The following TCP11 variants were observed in gnomAD, a reference collection of about 807,000 sequenced individuals.
TCP11 encodes T-complex protein 11 homolog.
A neutral mutation model predicts 45.0 loss-of-function variants in TCP11; 34 were observed. The ratio of observed to expected loss-of-function variants is 0.76; its 90% CI spans 0.57 to 1.01. TCP11 has a LOEUF of 1.01. Ranked by LOEUF, TCP11 falls within the 50% of genes least tolerant of loss-of-function variation. TCP11 has a pLI of 0.00. For synonymous variants in TCP11, 227 were observed against 227.0 expected, an observed-to-expected ratio of 1.00 and a Z score of 0.00; for missense variants, 523 against 598.1, an observed-to-expected ratio of 0.87 and a Z score of 1.31.
intron 4 of TCP11, among the ~76,000 whole-genome samples, chr6:35,127,267 CACACA>C (rs1779930852): frequency 1.3e-5 from 2 of 152,120 alleles, no homozygotes; most frequent in African/African-American, 4.8e-5. Flanking sequence ...GGATTGTGGC[CACACA>C]ATGGGGGTAA....
At chr6:35,140,929 C>A in intron 1 of TCP11, 45 bp from the exon 2 acceptor site, 1 of 1,509,484 alleles carries the variant, frequency 6.6e-7, no homozygotes, top group Non-Finnish European at 8.8e-7. Flanking sequence ...GGGAAGGGGC[C>A]TCCCCAATTG....
intron 9 of TCP11, 147 bp downstream of exon 9, chr6:35,119,081 T>C: frequency 9.7e-7 from 1 of 1,034,934 alleles, no homozygotes; most frequent in Non-Finnish European, 1.4e-6. Flanking sequence ...CTGAGACGGA[T>C]ATGATTTCAA....
intron 2 of TCP11, among the ~76,000 whole-genome samples, chr6:35,139,053 T>G (rs138437692): frequency 0.012 from 1,798 of 152,158 alleles, 44 homozygotes; most frequent in African/African-American, 0.04. Context: ...CTGGGCATGG[T>G]GGCACATGCT....
intron 4 of TCP11, among the ~76,000 whole-genome samples, chr6:35,127,764 C>T (rs1779994301): frequency 6.6e-6 from 1 of 152,178 alleles, no homozygotes; most frequent in Non-Finnish European, 1.5e-5. Flanking sequence ...CATGTCTCCT[C>T]ATTTTGGGGG....
In TCP11 at chr6:35,120,281, G is replaced by A. The variant is rs148238850; in HGVS notation, c.993C>T (p.Thr331=). 1.7e-5 allele frequency: 28 copies of A among 1,614,208 alleles called. No individual in the cohort carries two copies. The Middle Eastern group carries it at 5.0e-4, about 29-fold the overall frequency. Residue 331 remains threonine (T), a synonymous_variant, in exon 8 of 10, where the codon ACC becomes ACT. Transcript: ENST00000311875. The surrounding 1 kb of genome is among the most constrained non-coding windows in gnomAD (Gnocchi z 4.9). ...CCACCAGCAAGACTGAGGCCATGAC[G>A]GTTAACTGGTGCAACTGGGACTTCA... ...QELKSQLHQL[T]VMASVLLVAS...
intron 3 of TCP11, among the ~76,000 whole-genome samples, chr6:35,129,869 C>T (rs921137806): frequency 3.9e-5 from 6 of 152,334 alleles, no homozygotes; most frequent in Admixed American, 2.0e-4. Flanking sequence ...CAACCTCCCA[C>T]GCGCAAGCAA....
In TCP11 at chr6:35,120,680, A is replaced by T. The variant is rs775272414; in HGVS notation, c.716-34T>A. 6.3e-7 allele frequency: 1 copy of T among 1,586,582 alleles called. No individual in the cohort carries two copies. Among genetic ancestry groups the T allele is most frequent in the South Asian group, 1.1e-5 (1 of 87,402 alleles). On this transcript the variant is annotated intron_variant, in intron 6 of 9. Coordinates refer to ENST00000311875, the MANE Select transcript of TCP11 (RefSeq NM_001370687.1). This position sits in a 1 kb window ranked among gnomAD's most constrained non-coding sequence, Gnocchi z 4.9. Reference sequence around the variant, plus strand: ...GGTAAGGGAGTGTGTAAGCATCTTTAGCATCTTCATCTCTGAGGCTTCAAG... The same window carrying T: ...GGTAAGGGAGTGTGTAAGCATCTTTTGCATCTTCATCTCTGAGGCTTCAAG...
intron 1 of TCP11, 60 bp from the exon 2 acceptor site, chr6:35,140,944 G>C (rs1781695484): frequency 6.8e-7 from 1 of 1,478,938 alleles, no homozygotes. Context: ...CAATTGCCAA[G>C]GGGGTCCCTG....
At chr6:35,121,909 G>A (rs959161237) in intron 5 of TCP11, among the ~76,000 whole-genome samples, 9 of 152,078 alleles carry the variant, frequency 5.9e-5, no homozygotes, top group Admixed American at 1.3e-4. Flanking sequence ...CAGAGGGGGG[G>A]CCCAATCAAG....
chr6:35,124,848 C>T (rs893542071), intron 4 of TCP11, among the ~76,000 whole-genome samples: 2 of 151,772 alleles, frequency 1.3e-5, no homozygotes, highest in African/African-American at 4.8e-5. Flanking sequence ...TTCAGTTGTG[C>T]ACATGTACCC....
intron 5 of TCP11, among the ~76,000 whole-genome samples, chr6:35,121,398 A>T (rs1243157189): frequency 6.8e-6 from 1 of 147,866 alleles, no homozygotes; most frequent in Non-Finnish European, 1.5e-5. Context: ...CACTGGACCA[A>T]CTGCTTTTTT....
chr6:35,135,532 T>C (rs1478250081), intron 3 of TCP11, among the ~76,000 whole-genome samples: 1 of 149,748 alleles, frequency 6.7e-6, no homozygotes, highest in African/African-American at 2.5e-5. Context: ...ATGCCTGTAA[T>C]CCCAGCACTT....
chr6:35,122,412 C>T lies in TCP11; in HGVS notation c.358-75G>A, dbSNP rs1779380368. On this transcript the variant is annotated intron_variant, in intron 4 of 9. Coordinates refer to ENST00000311875, the MANE Select transcript of TCP11 (RefSeq NM_001370687.1). ...TTTATCCAATGGGCAATCCCTTTAG[C>T]TAAAGACATACCAGCCTATGTTTTT... 9.7e-6 allele frequency: 13 copies of T among 1,333,830 alleles called. No homozygotes were observed. In the South Asian group the frequency reaches 1.5e-4, roughly 15 times the overall value. 82.6% of individuals were successfully genotyped at this position (1,333,830 alleles called of 1,614,324 possible). A position where few individuals can be genotyped will look rare whatever the true frequency, so the allele number is the denominator to read the frequency against.
chr6:35,128,986 G>A, intron 4 of TCP11, 76 bp downstream of exon 4: 1 of 1,563,618 alleles, frequency 6.4e-7, no homozygotes, highest in Non-Finnish European at 8.7e-7. Context: ...GTTCAGTTAA[G>A]ATTTGCTAGC....
Position 35,129,004 on chromosome 6 carries a change from A to G in TCP11, c.357+58T>C, listed in dbSNP as rs148755555. The G allele has an allele frequency of 4.6e-5, 73 of 1,587,736 alleles. No homozygotes were observed. In the African/African-American group the frequency reaches 8.1e-4, roughly 18 times the overall value. ...CAGTTAAGATTTGCTAGCCACTGACACTCCAATGAGCTGGAGATGTCTAGA... is the reference window on the plus strand; with the variant it reads ...CAGTTAAGATTTGCTAGCCACTGACGCTCCAATGAGCTGGAGATGTCTAGA... On this transcript the variant is annotated intron_variant, in intron 4 of 9. Coordinates refer to ENST00000311875, the MANE Select transcript of TCP11 (RefSeq NM_001370687.1).
chr6:35,135,962 C>G, intron 3 of TCP11, 145 bp downstream of exon 3: 1 of 533,792 alleles, frequency 1.9e-6, no homozygotes, highest in Non-Finnish European at 3.3e-6. Flanking sequence ...CAACTTAGTA[C>G]TCTTCTGTTT....
At chr6:35,122,924 C>T (rs1423976444) in intron 4 of TCP11, among the ~76,000 whole-genome samples, 1 of 152,094 alleles carries the variant, frequency 6.6e-6, no homozygotes, top group Non-Finnish European at 1.5e-5. Flanking sequence ...TCATGTTAAA[C>T]AAATAAAATC....
intron 4 of TCP11, among the ~76,000 whole-genome samples, chr6:35,125,801 C>T (rs1779761336): frequency 6.6e-6 from 1 of 152,126 alleles, no homozygotes; most frequent in African/African-American, 2.4e-5. Flanking sequence ...TGTATTCTAT[C>T]CATATAATAA....
chr6:35,118,139 A>T lies in TCP11; in HGVS notation c.*130T>A. Reference sequence around the variant, plus strand: ...GTTGGTGTTTACATGCTTGATCCCTACAGCCTTGGTGTACTGGCTGCAGGG... The same window carrying T: ...GTTGGTGTTTACATGCTTGATCCCTTCAGCCTTGGTGTACTGGCTGCAGGG... On this transcript the variant is annotated 3_prime_UTR_variant, in exon 10 of 10. Coordinates refer to ENST00000311875, the MANE Select transcript of TCP11 (RefSeq NM_001370687.1). 1.3e-6 allele frequency: 1 copy of T among 743,844 alleles called. No individual in the cohort carries two copies. 46.1% of individuals were successfully genotyped at this position (743,844 alleles called of 1,614,324 possible). A position where few individuals can be genotyped will look rare whatever the true frequency, so the allele number is the denominator to read the frequency against.
Sources: gnomAD v4.1 joint callset for allele counts (sites outside exome capture counted in the v4.1 genomes callset) on GRCh38, gnomAD v4.1.1 for gene constraint, Gnocchi (gnomAD v3.1) non-coding constraint, MANE v1.5 for transcripts, NCBI Gene and HGNC (gene_info 2026-07-23, HGNC 2026-07-21) for gene names.